Variants in ZMAT4 observed in about 807,000 individuals in gnomAD.
ZMAT4 encodes zinc finger matrin-type 4.
A neutral mutation model predicts 28.7 loss-of-function variants in ZMAT4; 17 were observed. That is an observed-to-expected ratio of 0.59 (90% confidence interval 0.41 to 0.89). The LOEUF (loss-of-function observed/expected upper bound fraction) is 0.89. Ranked by LOEUF, ZMAT4 falls within the 40% of genes least tolerant of loss-of-function variation. The pLI, the probability that ZMAT4 is intolerant of heterozygous loss-of-function variation, is 0.00. For synonymous variants in ZMAT4, 117 were observed against 109.2 expected, an observed-to-expected ratio of 1.07 and a Z score of -0.44; for missense variants, 240 against 283.8, an observed-to-expected ratio of 0.85 and a Z score of 1.11.
chr8:40,883,423 C>T (rs1818347446), intron 1 of ZMAT4, among the ~76,000 whole-genome samples: 1 of 152,176 alleles, frequency 6.6e-6, no homozygotes, highest in South Asian at 2.1e-4. Context: ...TGTCGAACCC[C>T]TCTCCAGGAA....
intron 6 of ZMAT4, among the ~76,000 whole-genome samples, chr8:40,573,014 C>A (rs950856535): frequency 1.3e-5 from 2 of 152,094 alleles, no homozygotes; most frequent in Non-Finnish European, 2.9e-5. Context: ...TAACCTATAA[C>A]CTGAAGATAA....
intron 1 of ZMAT4, among the ~76,000 whole-genome samples, chr8:40,887,243 C>G (rs995572899): frequency 2.0e-5 from 3 of 148,686 alleles, no homozygotes; most frequent in African/African-American, 7.4e-5. Context: ...AATCCCAACA[C>G]TTTGGGAGCC....
intron 4 of ZMAT4, among the ~76,000 whole-genome samples, chr8:40,695,646 C>T (rs1809850115): frequency 6.6e-6 from 1 of 152,114 alleles, no homozygotes; most frequent in Non-Finnish European, 1.5e-5. Context: ...TGATGGCTAA[C>T]AAATTACACT....
chr8:40,621,082 G>A (rs1806182506), intron 5 of ZMAT4, among the ~76,000 whole-genome samples: 1 of 152,154 alleles, frequency 6.6e-6, no homozygotes, highest in Non-Finnish European at 1.5e-5. Context: ...TGCCCTTCTA[G>A]CCTAACAAGA....
intron 3 of ZMAT4, among the ~76,000 whole-genome samples, chr8:40,745,683 G>C (rs897353041): frequency 3.9e-5 from 6 of 152,144 alleles, no homozygotes; most frequent in African/African-American, 1.2e-4. Flanking sequence ...ACAATGTTCA[G>C]AGCCAGATCT....
At chr8:40,722,962 C>G (rs1195024700) in intron 3 of ZMAT4, among the ~76,000 whole-genome samples, 1 of 152,092 alleles carries the variant, frequency 6.6e-6, no homozygotes, top group African/African-American at 2.4e-5. Context: ...CATGTGAGGC[C>G]CCTACCCACT....
intron 2 of ZMAT4, among the ~76,000 whole-genome samples, chr8:40,794,640 G>A (rs1383795395): frequency 6.6e-6 from 1 of 152,172 alleles, no homozygotes; most frequent in Non-Finnish European, 1.5e-5. Context: ...GGGCAGCGTG[G>A]TCTGGGTTTT....
At chr8:40,803,844 G>C (rs765919039) in intron 2 of ZMAT4, among the ~76,000 whole-genome samples, 2 of 152,184 alleles carry the variant, frequency 1.3e-5, no homozygotes, top group Non-Finnish European at 2.9e-5. Context: ...CCCTTCAGTA[G>C]ATGAAGGTAT....
At chr8:40,710,319 T>C (rs1379211815) in intron 3 of ZMAT4, among the ~76,000 whole-genome samples, 1 of 152,196 alleles carries the variant, frequency 6.6e-6, no homozygotes, top group Non-Finnish European at 1.5e-5. Flanking sequence ...ATAAAGTATA[T>C]CAATAATTAT....
chr8:40,670,450 CAAG>C (rs1808618505), intron 5 of ZMAT4, among the ~76,000 whole-genome samples: 1 of 151,984 alleles, frequency 6.6e-6, no homozygotes, highest in African/African-American at 2.4e-5. Context: ...AGAAAACATA[CAAG>C]AATATCTTGG....
intron 5 of ZMAT4, among the ~76,000 whole-genome samples, chr8:40,669,727 TA>T: frequency 6.6e-6 from 1 of 152,338 alleles, no homozygotes; most frequent in East Asian, 1.9e-4. Flanking sequence ...AACAGTAGGC[TA>T]TTAGTAGTTA....
chr8:40,582,672 T>C (rs62505439), intron 5 of ZMAT4, among the ~76,000 whole-genome samples: 33,683 of 152,226 alleles, frequency 0.22, 4,420 homozygotes, highest in Non-Finnish European at 0.3. Flanking sequence ...TATGCTGGGA[T>C]AGCTTTGCAA....
intron 2 of ZMAT4, among the ~76,000 whole-genome samples, chr8:40,799,225 G>GGATGGATGGATGGATA (rs377302493): frequency 2.9e-4 from 43 of 150,734 alleles, no homozygotes; most frequent in Admixed American, 5.3e-4. Context: ...ATGGATGGAT[G>GGATGGATGGATGGATA]GATAGATAGA....
At chr8:40,626,998 A>G (rs1411175206) in intron 5 of ZMAT4, among the ~76,000 whole-genome samples, 2 of 152,190 alleles carry the variant, frequency 1.3e-5, no homozygotes, top group Non-Finnish European at 2.9e-5. Flanking sequence ...TGAATGATCC[A>G]CGCCCTTTAT....
At chr8:40,888,301 C>T (rs1490757947) in intron 1 of ZMAT4, among the ~76,000 whole-genome samples, 2 of 152,176 alleles carry the variant, frequency 1.3e-5, no homozygotes, top group Non-Finnish European at 2.9e-5. Flanking sequence ...TGCCTGCTGC[C>T]CTTACAAACT....
At chr8:40,710,448 A>G (rs911080410) in intron 3 of ZMAT4, among the ~76,000 whole-genome samples, 4 of 152,172 alleles carry the variant, frequency 2.6e-5, no homozygotes, top group Non-Finnish European at 1.5e-5. Flanking sequence ...TTTGAATTGG[A>G]AGTGTTAGTA....
intron 5 of ZMAT4, among the ~76,000 whole-genome samples, chr8:40,604,892 G>A (rs1357790936): frequency 6.6e-6 from 1 of 152,038 alleles, no homozygotes; most frequent in Non-Finnish European, 1.5e-5. Context: ...TACCACTTCA[G>A]GCTCACTGCT....
At chr8:40,591,977 GA>G (rs11287617) in intron 5 of ZMAT4, among the ~76,000 whole-genome samples, 98,777 of 151,252 alleles carry the variant, frequency 0.65, 32,635 homozygotes, top group African/African-American at 0.76. Flanking sequence ...GTCTTTTATG[GA>G]AAAAAAAAAA....
chr8:40,551,707 C>G (rs1260969089), intron 6 of ZMAT4, among the ~76,000 whole-genome samples: 1 of 152,120 alleles, frequency 6.6e-6, no homozygotes, highest in African/African-American at 2.4e-5. Context: ...ACAAGATGGG[C>G]TCGCTGCTTA....
Sources: allele counts gnomAD v4.1 joint callset (sites outside exome capture counted in the v4.1 genomes callset), GRCh38; gene constraint gnomAD v4.1.1; transcripts MANE v1.5; gene names NCBI Gene and HGNC (gene_info 2026-07-23, HGNC 2026-07-21).